SDK2: variants seen among roughly 807,000 people sequenced by gnomAD.
The protein encoded by SDK2 is sidekick cell adhesion molecule 2, also known as protein sidekick-2.
A neutral mutation model predicts 253.9 loss-of-function variants in SDK2; 105 were observed. That is an observed-to-expected ratio of 0.41 (90% CI 0.35 to 0.49). SDK2 has a LOEUF of 0.49. Among genes scored for constraint, SDK2 ranks in the 20% least tolerant of loss-of-function variants. SDK2 has a pLI of 0.06. For missense variants in SDK2, 2,608 were observed against 3,003.0 expected (o/e 0.87, Z 3.07); for synonymous variants, 1,249 against 1,234.9 (o/e 1.01, Z -0.24).
At chr17:73,598,712 C>T (rs2045795079) in intron 1 of SDK2, among the ~76,000 whole-genome samples, 1 of 152,204 alleles carries the variant, frequency 6.6e-6, no homozygotes, top group African/African-American at 2.4e-5. Context: ...AGCAGCCCAT[C>T]CCCCTCCAGG....
At chr17:73,598,927 G>A (rs762516776) in intron 1 of SDK2, among the ~76,000 whole-genome samples, 1 of 152,226 alleles carries the variant, frequency 6.6e-6, no homozygotes, top group African/African-American at 2.4e-5. Context: ...GGCTTGCTTC[G>A]ATTTTTCTTC....
chr17:73,415,293 G>A (rs942755386), intron 17 of SDK2, among the ~76,000 whole-genome samples: 2 of 152,062 alleles, frequency 1.3e-5, no homozygotes, highest in African/African-American at 2.4e-5. Context: ...GCATGGGACT[G>A]GGAGAAGGGG....
At position 73,626,329 on chromosome 17, in the gene SDK2, C is replaced by T. The variant is rs536249899; in HGVS notation, c.64+17696G>A. Among the ~76,000 whole-genome samples the T allele has an allele frequency of 3.3e-5, 5 of 152,306 alleles. No individual in the cohort carries two copies. The South Asian group carries it at 1.0e-3, about 32-fold the overall frequency. On this transcript the variant is annotated intron_variant, in intron 1 of 44. Coordinates refer to ENST00000392650, the MANE Select transcript of SDK2 (RefSeq NM_001144952.2). ...GGACAGGGGCCAGTTGTCTTCAGGG[C>T]CCTGGCCTCTCCAAGGAAACCTCCA...
chr17:73,350,201 G>T (rs1435596701), intron 43 of SDK2, 36 bp downstream of exon 43: 1 of 1,559,446 alleles, frequency 6.4e-7, no homozygotes, highest in South Asian at 1.2e-5. Context: ...GGGCACTGCT[G>T]GGCCTGGCCC....
chr17:73,399,751 G>C (rs998355839), intron 21 of SDK2, among the ~76,000 whole-genome samples: 1 of 152,224 alleles, frequency 6.6e-6, no homozygotes, highest in African/African-American at 2.4e-5. Flanking sequence ...GGTGGGGACA[G>C]GGGGAAGCTT....
At chr17:73,433,666 G>A (rs986716461) in intron 10 of SDK2, 66 bp downstream of exon 10, 3 of 1,241,140 alleles carry the variant, frequency 2.4e-6, no homozygotes, top group Non-Finnish European at 3.5e-6. Context: ...TGGCTCCAGA[G>A]CCTAGTTCTG....
At chr17:73,424,243 G>A (rs1323720801) in intron 12 of SDK2, among the ~76,000 whole-genome samples, 151 bp from the exon 13 acceptor site, 6 of 152,178 alleles carry the variant, frequency 3.9e-5, no homozygotes, top group East Asian at 1.9e-4. Context: ...ATCGGGGAGC[G>A]GGACACTGTT....
At chr17:73,499,512 C>G (rs2063869030) in intron 2 of SDK2, among the ~76,000 whole-genome samples, 1 of 152,242 alleles carries the variant, frequency 6.6e-6, no homozygotes. Context: ...CTCAGCTGGT[C>G]TCACACCCTC....
In SDK2 at chr17:73,385,070, A is replaced by G. The variant is rs75245528; in HGVS notation, c.4569+777T>C. Among the ~76,000 whole-genome samples the G allele has an allele frequency of 9.1e-3, 1,392 of 152,184 alleles. 37 individuals carry two copies. Among genetic ancestry groups the G allele is most frequent in the East Asian group, 0.087 (450 of 5,166 alleles). On this transcript the variant is annotated intron_variant, in intron 32 of 44. Coordinates refer to ENST00000392650, the MANE Select transcript of SDK2 (RefSeq NM_001144952.2). ...GTCTTCAAGGGCTTTCCCTTTGTGGAGTGGCAGATGGCTGAAGGGGAGTGC... is the reference window on the plus strand; with the variant it reads ...GTCTTCAAGGGCTTTCCCTTTGTGGGGTGGCAGATGGCTGAAGGGGAGTGC...
In SDK2 at chr17:73,435,307, C is replaced by T; in HGVS notation, c.1195+143G>A. The T allele has an allele frequency of 2.6e-6, 2 of 764,730 alleles. No homozygotes were observed. Among genetic ancestry groups the T allele is most frequent in the Non-Finnish European group, 4.1e-6 (2 of 491,930 alleles). 47.4% of individuals were successfully genotyped at this position (764,730 alleles called of 1,614,324 possible). On this transcript the variant is annotated intron_variant, in intron 9 of 44. Transcript: ENST00000392650. This position sits in a 1 kb window ranked among gnomAD's most constrained non-coding sequence, Gnocchi z 5.7. The stretch of plus-strand genomic sequence containing the variant: ...AGCGGTAACTGGCTGTGCCCCCAGG[C>T]TGCTGGGCAGCAGGCGGCCTTTGGG...
At chr17:73,386,054 A>C (rs1192502961) in intron 31 of SDK2, 137 bp from the exon 32 acceptor site, 1 of 407,648 alleles carries the variant, frequency 2.5e-6, no homozygotes, top group East Asian at 6.1e-5. Context: ...TGCTGGCCCG[A>C]TTTCTGCAGA....
Position 73,379,097 on chromosome 17 carries a change from TC to T in SDK2, c.4980+79del. ...TGGAGGGCCTGGGGACCTGCCTGCCTCCCACATATCACTCACTCCCCAGCCT... is the reference window on the plus strand; with the variant it reads ...TGGAGGGCCTGGGGACCTGCCTGCCTCCACATATCACTCACTCCCCAGCCT... On this transcript the variant is annotated intron_variant, in intron 36 of 44. Transcript: ENST00000392650. This position sits in a 1 kb window ranked among gnomAD's most constrained non-coding sequence, Gnocchi z 4.5. 1 of 1,071,174 alleles carries T rather than the reference TC, an allele frequency of 9.3e-7. No individual in the cohort carries two copies. The highest frequency in any genetic ancestry group is 2.1e-5 in the Admixed American group (1 of 47,548). 66.4% of individuals were successfully genotyped at this position (1,071,174 alleles called of 1,614,324 possible).
chr17:73,334,469 T>G lies in SDK2; in HGVS notation c.*4118A>C, dbSNP rs3764369. On this transcript the variant is annotated 3_prime_UTR_variant, in exon 45 of 45. Transcript: ENST00000392650. ...TGGTATATATTTCAAATCAATTTCT[T>G]TCTTACCTTTCATTTAAAAAATAAA... 3.9e-5 allele frequency: 6 copies of G among 152,372 alleles called. No individual in the cohort carries two copies. The East Asian group carries it at 9.6e-4, about 24-fold the overall frequency. The allele number at this position is 152,372 out of a possible 1,614,324, so 9.4% of individuals were successfully genotyped here. A position where few individuals can be genotyped will look rare whatever the true frequency, so the allele number is the denominator to read the frequency against.
At chr17:73,341,189 CT>C (rs972633040) in intron 44 of SDK2, among the ~76,000 whole-genome samples, 1 of 143,638 alleles carries the variant, frequency 7.0e-6, no homozygotes, top group African/African-American at 2.6e-5. Context: ...GCCTGAAGTT[CT>C]TTTTTACTTT....
Position 73,456,453 on chromosome 17 carries a change from C to G in SDK2, c.332-400G>C, listed in dbSNP as rs889602701. ...AACCCTGGAGTCAGGCTATGTAGCTCCTCCTCCCCTGCCCTACAGTGTGCC... is the reference window on the plus strand; with the variant it reads ...AACCCTGGAGTCAGGCTATGTAGCTGCTCCTCCCCTGCCCTACAGTGTGCC... On this transcript the variant is annotated intron_variant, in intron 3 of 44. Transcript: ENST00000392650. Among the ~76,000 whole-genome samples the G allele has an allele frequency of 3.4e-4, 52 of 152,110 alleles. 1 individual carries two copies. The highest frequency in any genetic ancestry group is 1.1e-3 in the African/African-American group (47 of 41,394).
intron 3 of SDK2, among the ~76,000 whole-genome samples, chr17:73,463,166 G>A (rs1366627223): frequency 2.0e-5 from 3 of 152,132 alleles, no homozygotes; most frequent in Non-Finnish European, 4.4e-5. Context: ...CTGACTCCCC[G>A]AGGTACCTGC....
rs2063460653 is a variant in SDK2, at chr17:73,447,464, C to G, written c.613+151G>C. The G allele has an allele frequency of 8.8e-7, 1 of 1,138,914 alleles. No homozygotes were observed. The allele number at this position is 1,138,914 out of a possible 1,614,324, so 70.6% of individuals were successfully genotyped here. A position where few individuals can be genotyped will look rare whatever the true frequency, so the allele number is the denominator to read the frequency against. ...CCAGGCACCCCTGGCTCTGCTGTGT[C>G]TCGTCCTCCTTGGGAAGGCTCCCCC... On this transcript the variant is annotated intron_variant, in intron 5 of 44. Transcript: ENST00000392650. The surrounding 1 kb of genome is among the most constrained non-coding windows in gnomAD (Gnocchi z 4.0).
chr17:73,608,019 C>A (rs757581359), intron 1 of SDK2, among the ~76,000 whole-genome samples: 1 of 152,078 alleles, frequency 6.6e-6, no homozygotes, highest in South Asian at 2.1e-4. Context: ...GAATGTGGGT[C>A]CATGACCACC....
At chr17:73,533,128 G>A (rs2064183257) in intron 1 of SDK2, among the ~76,000 whole-genome samples, 1 of 152,182 alleles carries the variant, frequency 6.6e-6, no homozygotes, top group Non-Finnish European at 1.5e-5. Flanking sequence ...GACGCAGGCA[G>A]TGCAGCGCTC....
Sources: allele counts gnomAD v4.1 joint callset (sites outside exome capture counted in the v4.1 genomes callset), GRCh38; gene constraint gnomAD v4.1.1; non-coding constraint Gnocchi (gnomAD v3.1); transcripts MANE v1.5; gene names NCBI Gene and HGNC (gene_info 2026-07-23, HGNC 2026-07-21).